SHQ1: variants seen among roughly 807,000 people sequenced by gnomAD.
SHQ1 encodes protein SHQ1 homolog.
Under a neutral mutation model 53.8 loss-of-function variants are expected in SHQ1, and 49 were observed. The observed-to-expected ratio is 0.91, with a 90% CI of 0.72 to 1.16. The LOEUF is 1.16. Among genes scored for constraint, SHQ1 ranks in the 50% most tolerant of loss-of-function variants. The pLI is 0.00. For synonymous variants in SHQ1, 243 were observed against 251.0 expected (o/e 0.97, Z 0.30); for missense variants, 738 against 683.1 (o/e 1.08, Z -0.90).
At chr3:72,808,319 C>T (rs1707017571) in intron 9 of SHQ1, among the ~76,000 whole-genome samples, 1 of 152,106 alleles carries the variant, frequency 6.6e-6, no homozygotes, top group African/African-American at 2.4e-5. Flanking sequence ...TCAGCTACAC[C>T]CCACCCACTT....
chr3:72,824,600 T>A, intron 5 of SHQ1, 49 bp from the exon 6 acceptor site: 1 of 1,561,044 alleles, frequency 6.4e-7, no homozygotes. Flanking sequence ...TCACTGGCTT[T>A]TACTTTTTAA....
chr3:72,817,429 G>A, intron 6 of SHQ1, 45 bp from the exon 7 acceptor site: 1 of 1,529,378 alleles, frequency 6.5e-7, no homozygotes, highest in Non-Finnish European at 8.9e-7. Context: ...ATTCAGTTTT[G>A]TAAAACTCCC....
At chr3:72,741,617 T>G in the SHQ1 span, among the ~76,000 whole-genome samples, 2 of 150,082 alleles carry the variant, frequency 1.3e-5, no homozygotes, top group African/African-American at 2.4e-5. Context: ...TGAGAGGAGA[T>G]AGGCCCCTGC....
intron 9 of SHQ1, among the ~76,000 whole-genome samples, chr3:72,806,065 A>G (rs1428084964): frequency 6.6e-6 from 1 of 152,216 alleles, no homozygotes; most frequent in Non-Finnish European, 1.5e-5. Context: ...CCTTCTATAC[A>G]GAGTTATAAG....
At chr3:72,751,508 G>GTGTGTGTGTGTGTATA (rs1210782182) in intron 10 of SHQ1, among the ~76,000 whole-genome samples, 2 of 116,984 alleles carry the variant, frequency 1.7e-5, no homozygotes, top group African/African-American at 8.9e-5. Context: ...GTGTGTGTGT[G>GTGTGTGTGTGTGTATA]TATATATATA....
At chr3:72,791,283 T>G (rs943749735) in intron 10 of SHQ1, among the ~76,000 whole-genome samples, 1 of 152,226 alleles carries the variant, frequency 6.6e-6, no homozygotes, top group African/African-American at 2.4e-5. Context: ...GGGTATTTGA[T>G]AAGCTCAATT....
chr3:72,786,955 A>G (rs1410329542), intron 10 of SHQ1, among the ~76,000 whole-genome samples: 1 of 152,236 alleles, frequency 6.6e-6, no homozygotes, highest in East Asian at 1.9e-4. Context: ...CCCTGTTCTT[A>G]GCATAATCCT....
chr3:72,762,460 A>G (rs909274212), intron 10 of SHQ1, among the ~76,000 whole-genome samples: 1 of 152,140 alleles, frequency 6.6e-6, no homozygotes, highest in Non-Finnish European at 1.5e-5. Context: ...AATTTGCCAC[A>G]TTTCTCTCTA....
intron 10 of SHQ1, among the ~76,000 whole-genome samples, chr3:72,752,030 A>T (rs1458484720): frequency 1.3e-5 from 2 of 152,214 alleles, no homozygotes; most frequent in African/African-American, 2.4e-5. Context: ...ATTTACTATG[A>T]CATCGTTTTT....
rs1708169414 is a variant in SHQ1, at chr3:72,841,154, T to C, written c.377A>G (p.Asp126Gly). ...PEEVVDDEEF[D>G]WEIEQTPCEE... ...ACAGGGTGTCTGCTCAATTTCCCAATCAAACTCTTCATCGTCAACTACTTC... is the reference window on the plus strand; with the variant it reads ...ACAGGGTGTCTGCTCAATTTCCCAACCAAACTCTTCATCGTCAACTACTTC... Residue 126 changes from aspartate (D) to glycine (G), a missense_variant, in exon 4 of 11, where the codon GAT becomes GGT. Asp to Gly is a moderately conservative substitution (Grantham distance 94). Transcript: ENST00000325599. The C allele has an allele frequency of 6.2e-7, 1 of 1,613,818 alleles. No individual in the cohort carries two copies.
At chr3:72,847,268 G>C (rs912628723) in intron 1 of SHQ1, among the ~76,000 whole-genome samples, 1 of 152,198 alleles carries the variant, frequency 6.6e-6, no homozygotes, top group Non-Finnish European at 1.5e-5. Flanking sequence ...AAACCACCTT[G>C]ACTGGTGGAG....
chr3:72,750,405 A>C lies in SHQ1; in HGVS notation c.1613T>G (p.Leu538Arg). 1 of 1,614,144 alleles carries C rather than the reference A, an allele frequency of 6.2e-7. No individual in the cohort carries two copies. The highest frequency in any genetic ancestry group is 1.1e-5 in the South Asian group (1 of 91,078). Residue 538 changes from leucine (L) to arginine (R), a missense_variant, in exon 11 of 11, where the codon CTG (leucine) becomes CGG (arginine). Leu to Arg is a moderately radical substitution (Grantham distance 102). Coordinates refer to ENST00000325599, the MANE Select transcript of SHQ1 (RefSeq NM_018130.3). ...CAGTTGTTCCCCAAGCTCCTCTATCAGAGGCCCAGACACTCCAAGAGGCCA... is the reference window on the plus strand; with the variant it reads ...CAGTTGTTCCCCAAGCTCCTCTATCCGAGGCCCAGACACTCCAAGAGGCCA... Reference protein sequence around the residue: ...SSWPLGVSGPLIEELGEQLKT... With the variant: ...SSWPLGVSGPRIEELGEQLKT...
At chr3:72,827,595 C>G (rs1436765284) in intron 5 of SHQ1, among the ~76,000 whole-genome samples, 1 of 152,112 alleles carries the variant, frequency 6.6e-6, no homozygotes, top group African/African-American at 2.4e-5. Context: ...TTCACTAATA[C>G]AGTCCTAGTA....
At chr3:72,758,212 T>C (rs902659357) in intron 10 of SHQ1, among the ~76,000 whole-genome samples, 4 of 152,194 alleles carry the variant, frequency 2.6e-5, no homozygotes, top group African/African-American at 9.7e-5. Flanking sequence ...CTGTCTCTTC[T>C]TATTCTATAA....
chr3:72,782,463 T>C (rs911040472), intron 10 of SHQ1, among the ~76,000 whole-genome samples: 35 of 152,194 alleles, frequency 2.3e-4, no homozygotes, highest in Admixed American at 1.9e-3. Flanking sequence ...CCCAAAGATA[T>C]GTTCCACAGC....
chr3:72,763,408 A>G (rs1277687066), intron 10 of SHQ1, among the ~76,000 whole-genome samples: 1 of 152,216 alleles, frequency 6.6e-6, no homozygotes, highest in Non-Finnish European at 1.5e-5. Flanking sequence ...TTTGGATTCA[A>G]TTCAACTAAG....
intron 5 of SHQ1, among the ~76,000 whole-genome samples, chr3:72,826,142 T>A (rs1707649117): frequency 6.6e-6 from 1 of 152,228 alleles, no homozygotes; most frequent in Non-Finnish European, 1.5e-5. Flanking sequence ...ATATTCCATT[T>A]TTATATATGA....
At chr3:72,822,842 T>A (rs530631505) in intron 6 of SHQ1, among the ~76,000 whole-genome samples, 7 of 152,220 alleles carry the variant, frequency 4.6e-5, no homozygotes, top group African/African-American at 1.2e-4. Context: ...AAAACGACAA[T>A]AAATCTATAA....
intron 10 of SHQ1, among the ~76,000 whole-genome samples, chr3:72,767,736 A>G (rs1348094502): frequency 6.6e-6 from 1 of 152,218 alleles, no homozygotes. Flanking sequence ...ATTACTAAAA[A>G]TAAGAATGAA....
Sources: allele counts gnomAD v4.1 joint callset (sites outside exome capture counted in the v4.1 genomes callset), GRCh38; gene constraint gnomAD v4.1.1; transcripts MANE v1.5; gene names NCBI Gene and HGNC (gene_info 2026-07-23, HGNC 2026-07-21).